Variants in NPAS3 observed in about 807,000 individuals in gnomAD.
NPAS3 encodes the protein neuronal PAS domain protein 3.
A neutral mutation model predicts 73.1 loss-of-function variants in NPAS3; 14 were observed. The ratio of observed to expected loss-of-function variants is 0.19; its 90% CI spans 0.13 to 0.30. The LOEUF is 0.30. Ranked by LOEUF, NPAS3 falls within the 10% of genes least tolerant of loss-of-function variation. The pLI, the probability that NPAS3 is intolerant of heterozygous loss-of-function variation, is 1.00. For synonymous variants in NPAS3, 620 were observed against 541.5 expected, an observed-to-expected ratio of 1.14 and a Z score of -2.01; for missense variants, 1,096 against 1,250.0, an observed-to-expected ratio of 0.88 and a Z score of 1.86.
intron 5 of NPAS3, among the ~76,000 whole-genome samples, chr14:33,573,272 G>A (rs770275142): frequency 3.3e-5 from 5 of 152,128 alleles, no homozygotes; most frequent in Non-Finnish European, 7.3e-5. Context: ...AATGACCTAC[G>A]TGTGCAAAAA....
intron 1 of NPAS3, among the ~76,000 whole-genome samples, chr14:32,940,639 TGAAAA>T (rs1335279212): frequency 2.0e-5 from 3 of 152,206 alleles, no homozygotes; most frequent in Non-Finnish European, 4.4e-5. Context: ...TAAGTGAACT[TGAAAA>T]GAAGACAAAG....
At chr14:33,054,839 C>G (rs1215180089) in intron 1 of NPAS3, among the ~76,000 whole-genome samples, 1 of 152,080 alleles carries the variant, frequency 6.6e-6, no homozygotes, top group African/African-American at 2.4e-5. Context: ...GTCTTGATCT[C>G]CTGACCTCGT....
At chr14:33,703,931 G>C (rs1221407911) in intron 6 of NPAS3, among the ~76,000 whole-genome samples, 1 of 152,172 alleles carries the variant, frequency 6.6e-6, no homozygotes, top group African/African-American at 2.4e-5. Flanking sequence ...TCTGTACCAA[G>C]AGCAGAGACT....
At position 33,263,638 on chromosome 14, in the gene NPAS3, T is replaced by TCC. The variant is rs1457458795; in HGVS notation, c.385+48212_385+48213insCC. Among the ~76,000 whole-genome samples, 4 of 152,150 alleles carry TCC rather than the reference T, an allele frequency of 2.6e-5. No individual in the cohort carries two copies. The East Asian group carries it at 7.7e-4, about 29-fold the overall frequency. ...GGTTCCATATGAACTTTAAAGTAGT[T>TCC]TTTTTCCAATTCTGTGAAGAAAGTC... is the stretch of plus-strand genomic sequence containing the variant. On this transcript the variant is annotated intron_variant, in intron 3 of 11. Transcript: ENST00000356141.
At chr14:33,173,302 G>C (rs1277870224) in intron 2 of NPAS3, among the ~76,000 whole-genome samples, 1 of 152,118 alleles carries the variant, frequency 6.6e-6, no homozygotes, top group Non-Finnish European at 1.5e-5. Flanking sequence ...TAAAATAGCA[G>C]TGATGCCACT....
chr14:33,139,453 G>T (rs2043962650), intron 2 of NPAS3, among the ~76,000 whole-genome samples: 3 of 152,182 alleles, frequency 2.0e-5, no homozygotes, highest in Admixed American at 1.3e-4. Context: ...CAACAGGAGA[G>T]GTGGGAATCT....
At chr14:33,501,412 C>T (rs994269351) in intron 4 of NPAS3, among the ~76,000 whole-genome samples, 11 of 151,886 alleles carry the variant, frequency 7.2e-5, no homozygotes, top group African/African-American at 2.7e-4. Flanking sequence ...CTGTTATTCT[C>T]CTTAATGTTT....
chr14:33,707,914 G>A (rs540611937), intron 6 of NPAS3, among the ~76,000 whole-genome samples: 8 of 152,312 alleles, frequency 5.3e-5, no homozygotes, highest in African/African-American at 1.7e-4. Context: ...GAACCGGGGG[G>A]TGGTGAGGGA....
chr14:33,682,027 A>G (rs2059953395), intron 6 of NPAS3, among the ~76,000 whole-genome samples: 1 of 152,210 alleles, frequency 6.6e-6, no homozygotes, highest in Non-Finnish European at 1.5e-5. Flanking sequence ...CTAATCCTTC[A>G]ATCTGAATGG....
At chr14:33,094,817 A>G (rs769671187) in intron 2 of NPAS3, among the ~76,000 whole-genome samples, 2 of 152,238 alleles carry the variant, frequency 1.3e-5, no homozygotes, top group African/African-American at 2.4e-5. Context: ...TTAGGAATGT[A>G]CAAATTTATT....
At chr14:33,512,251 C>CTA (rs2053088846) in intron 4 of NPAS3, among the ~76,000 whole-genome samples, 1 of 151,942 alleles carries the variant, frequency 6.6e-6, no homozygotes, top group Non-Finnish European at 1.5e-5. Context: ...AAATACTTCT[C>CTA]CACATCAAAT....
chr14:33,250,601 G>A (rs370771437), intron 3 of NPAS3, among the ~76,000 whole-genome samples: 17 of 152,040 alleles, frequency 1.1e-4, no homozygotes, highest in African/African-American at 3.4e-4. Flanking sequence ...TGTTTACTTT[G>A]ACTTGCACCC....
At chr14:33,484,769 C>A (rs1405458140) in intron 4 of NPAS3, among the ~76,000 whole-genome samples, 1 of 152,154 alleles carries the variant, frequency 6.6e-6, no homozygotes, top group Non-Finnish European at 1.5e-5. Flanking sequence ...CTCTACTGAT[C>A]GGCCAGCCTG....
chr14:33,523,451 CAAAAAAAAAA>C (rs755370427), intron 4 of NPAS3, among the ~76,000 whole-genome samples: 1 of 46,718 alleles, frequency 2.1e-5, no homozygotes, highest in Non-Finnish European at 4.4e-5. Context: ...GACTCTGTCT[CAAAAAAAAAA>C]AAAAAAAAAA....
At chr14:33,063,581 AT>A (rs2041181245) in intron 2 of NPAS3, among the ~76,000 whole-genome samples, 1 of 152,168 alleles carries the variant, frequency 6.6e-6, no homozygotes, top group South Asian at 2.1e-4. Context: ...TGTAAATACA[AT>A]TTTATTGGAA....
intron 4 of NPAS3, among the ~76,000 whole-genome samples, chr14:33,473,862 A>G (rs2050899912): frequency 6.6e-6 from 1 of 152,210 alleles, no homozygotes; most frequent in South Asian, 2.1e-4. Flanking sequence ...TTAGCACTAC[A>G]ATTGCAAAGT....
intron 4 of NPAS3, among the ~76,000 whole-genome samples, chr14:33,437,663 A>G (rs2049046821): frequency 6.6e-6 from 1 of 152,252 alleles, no homozygotes; most frequent in South Asian, 2.1e-4. Context: ...AGAAAGTGGC[A>G]TAATTTGACT....
intron 2 of NPAS3, among the ~76,000 whole-genome samples, chr14:33,161,397 C>T (rs1332836630): frequency 6.6e-6 from 1 of 152,158 alleles, no homozygotes; most frequent in Admixed American, 6.5e-5. Flanking sequence ...AATTAACTTG[C>T]CCAGCTTTAT....
chr14:33,153,623 C>T (rs1207561312), intron 2 of NPAS3, among the ~76,000 whole-genome samples: 1 of 152,110 alleles, frequency 6.6e-6, no homozygotes, highest in African/African-American at 2.4e-5. Flanking sequence ...CCAGACCTCC[C>T]ACCCTCATTT....
Sources: allele counts gnomAD v4.1 joint callset (sites outside exome capture counted in the v4.1 genomes callset), GRCh38; gene constraint gnomAD v4.1.1; transcripts MANE v1.5; gene names NCBI Gene and HGNC (gene_info 2026-07-23, HGNC 2026-07-21).